Variants in TMEM11 observed in about 807,000 individuals in gnomAD.
TMEM11 encodes the protein transmembrane protein 11, mitochondrial.
In TMEM11, 1 loss-of-function variant was observed where a neutral mutation model predicts 17.0. The ratio of observed to expected loss-of-function variants is 0.06; its 90% confidence interval spans 0.02 to 0.28. The LOEUF is 0.28. TMEM11 is among the 10% of genes least tolerant of loss of function. The pLI, the probability that TMEM11 is intolerant of heterozygous loss-of-function variation, is 1.00. For synonymous variants in TMEM11, 122 were observed against 118.1 expected, an observed-to-expected ratio of 1.03 and a Z score of -0.21; for missense variants, 172 against 252.9, an observed-to-expected ratio of 0.68 and a Z score of 2.17.
chr17:21,200,142 C>G (rs541066744), intron 1 of TMEM11, among the ~76,000 whole-genome samples: 2 of 152,242 alleles, frequency 1.3e-5, no homozygotes, highest in South Asian at 4.1e-4. Context: ...GACGGCAGCC[C>G]GGCTGCAGCC....
intron 1 of TMEM11, chr17:21,208,451 A>C (rs1974968231): frequency 6.6e-6 from 1 of 152,036 alleles, no homozygotes; most frequent in Non-Finnish European, 1.5e-5. Flanking sequence ...TTCCTGCTCC[A>C]GAACCTTCTC....
intron 1 of TMEM11, among the ~76,000 whole-genome samples, chr17:21,199,220 G>C (rs533373965): frequency 9.4e-4 from 143 of 151,376 alleles, no homozygotes; most frequent in African/African-American, 3.1e-3. Flanking sequence ...TAATCTACTC[G>C]GGAGGCTGAG....
intron 1 of TMEM11, among the ~76,000 whole-genome samples, chr17:21,200,798 G>C (rs1465882784): frequency 6.6e-6 from 1 of 152,258 alleles, no homozygotes; most frequent in African/African-American, 2.4e-5. Flanking sequence ...CGCCCAGCCT[G>C]TCCTGGCAGG....
chr17:21,212,059 T>A (rs1975008520), intron 1 of TMEM11, among the ~76,000 whole-genome samples: 1 of 152,122 alleles, frequency 6.6e-6, no homozygotes, highest in South Asian at 2.1e-4. Context: ...GCGGGTTATG[T>A]TTCCATCCCC....
intron 1 of TMEM11, chr17:21,211,335 C>A: frequency 1.2e-6 from 1 of 828,354 alleles, no homozygotes; most frequent in South Asian, 1.6e-5. Flanking sequence ...TCATAACTTT[C>A]TGCAGTGATG....
At chr17:21,214,036 G>T (rs1434509034) in intron 1 of TMEM11, 55 bp downstream of exon 1, 2 of 1,538,346 alleles carry the variant, frequency 1.3e-6, no homozygotes, top group Non-Finnish European at 1.8e-6. Context: ...GGCCGCGCTG[G>T]GCTCTCCGGC....
At chr17:21,202,974 C>T (rs1196449979) in intron 1 of TMEM11, among the ~76,000 whole-genome samples, 1 of 152,250 alleles carries the variant, frequency 6.6e-6, no homozygotes, top group African/African-American at 2.4e-5. Context: ...TGCCCACTGT[C>T]TAAGACACCT....
chr17:21,206,013 G>A (rs1291505890), intron 1 of TMEM11, among the ~76,000 whole-genome samples: 1 of 150,708 alleles, frequency 6.6e-6, no homozygotes, highest in Non-Finnish European at 1.5e-5. Context: ...ATGAACATGG[G>A]TGCACAAACA....
intron 1 of TMEM11, among the ~76,000 whole-genome samples, chr17:21,201,487 G>A (rs1169831577): frequency 6.6e-6 from 1 of 152,084 alleles, no homozygotes; most frequent in African/African-American, 2.4e-5. Context: ...ATGATGAGCT[G>A]TTACTGTAAG....
intron 1 of TMEM11, among the ~76,000 whole-genome samples, chr17:21,204,714 T>C (rs1159245261): frequency 6.6e-6 from 1 of 152,072 alleles, no homozygotes; most frequent in Non-Finnish European, 1.5e-5. Flanking sequence ...TGACTTTTGA[T>C]CCTTTTGAAT....
At chr17:21,201,799 A>G (rs1336052174) in intron 1 of TMEM11, among the ~76,000 whole-genome samples, 3 of 152,016 alleles carry the variant, frequency 2.0e-5, no homozygotes, top group African/African-American at 7.2e-5. Context: ...CTGGCTAATT[A>G]AAAAAATTTT....
intron 1 of TMEM11, among the ~76,000 whole-genome samples, chr17:21,199,503 A>G (rs1409836113): frequency 1.3e-5 from 2 of 152,202 alleles, no homozygotes; most frequent in Non-Finnish European, 2.9e-5. Context: ...CACACACGGC[A>G]GCAGAGGGCC....
chr17:21,199,387 A>G (rs1031376705), intron 1 of TMEM11, among the ~76,000 whole-genome samples: 1 of 151,050 alleles, frequency 6.6e-6, no homozygotes, highest in African/African-American at 2.4e-5. Context: ...GACGTTTAAC[A>G]TGACAAACAC....
intron 1 of TMEM11, chr17:21,210,899 TAA>T (rs756015725): frequency 6.4e-6 from 8 of 1,248,774 alleles, no homozygotes; most frequent in Non-Finnish European, 8.3e-6. Flanking sequence ...CACGTGATTA[TAA>T]AAACAGGAAC....
chr17:21,199,313 C>T (rs886515731), intron 1 of TMEM11, among the ~76,000 whole-genome samples: 5 of 115,756 alleles, frequency 4.3e-5, no homozygotes, highest in African/African-American at 1.8e-4. Context: ...GGTGACAGGG[C>T]GAGACTCAGT....
chr17:21,211,189 C>T, intron 1 of TMEM11: 1 of 1,289,846 alleles, frequency 7.8e-7, no homozygotes, highest in Non-Finnish European at 1.0e-6. Flanking sequence ...GGTTACAGCT[C>T]AGAGTCTGAT....
chr17:21,200,013 A>T lies in TMEM11; in HGVS notation c.63-1173T>A, dbSNP rs139801048. On this transcript the variant is annotated intron_variant, in intron 1 of 1. Coordinates refer to ENST00000317635, the MANE Select transcript of TMEM11 (RefSeq NM_003876.3). Reference sequence around the variant, plus strand: ...CAAATGCCACTCATTTGCATAAGAAACACTGCCACGGAGACCACACAAGGG... The same window carrying T: ...CAAATGCCACTCATTTGCATAAGAATCACTGCCACGGAGACCACACAAGGG... Among the ~76,000 whole-genome samples, 659 of 152,254 alleles carry T rather than the reference A, an allele frequency of 4.3e-3. 7 individuals carry two copies. The highest frequency in any genetic ancestry group is 0.015 in the African/African-American group (632 of 41,558).
chr17:21,205,494 G>A (rs932581319), intron 1 of TMEM11, among the ~76,000 whole-genome samples: 5 of 152,140 alleles, frequency 3.3e-5, no homozygotes, highest in Non-Finnish European at 7.4e-5. Context: ...GTTCTCTATC[G>A]CGCTGGGTGG....
At chr17:21,203,751 C>G (rs887695355) in intron 1 of TMEM11, among the ~76,000 whole-genome samples, 1 of 151,582 alleles carries the variant, frequency 6.6e-6, no homozygotes, top group Non-Finnish European at 1.5e-5. Flanking sequence ...GAGACAGCCA[C>G]GTCCAGCCAG....
Sources: gnomAD v4.1 joint callset for allele counts (sites outside exome capture counted in the v4.1 genomes callset) on GRCh38, gnomAD v4.1.1 for gene constraint, MANE v1.5 for transcripts, NCBI Gene and HGNC (gene_info 2026-07-23, HGNC 2026-07-21) for gene names.